ZNF274: variants seen among roughly 807,000 people sequenced by gnomAD.
ZNF274 encodes the protein zinc finger protein 274.
Under a neutral mutation model 42.5 loss-of-function variants are expected in ZNF274, and 23 were observed. The observed-to-expected ratio is 0.54, with a 90% CI of 0.39 to 0.77. The LOEUF (loss-of-function observed/expected upper bound fraction) is 0.77, where lower values mean the gene tolerates loss of function less well. Ranked by LOEUF, ZNF274 falls within the 30% of genes least tolerant of loss-of-function variation. ZNF274 has a pLI of 0.00. For synonymous variants in ZNF274, 292 were observed against 305.4 expected, an observed-to-expected ratio of 0.96 and a Z score of 0.46; for missense variants, 679 against 806.5, an observed-to-expected ratio of 0.84 and a Z score of 1.91.
intron 4 of ZNF274, among the ~76,000 whole-genome samples, chr19:58,193,960 A>G (rs191015146): frequency 2.0e-5 from 3 of 152,106 alleles, no homozygotes; most frequent in South Asian, 2.1e-4. Flanking sequence ...CTATATATCT[A>G]TATCACATAT....
At chr19:58,188,759 T>A in intron 4 of ZNF274, among the ~76,000 whole-genome samples, 1 of 140,808 alleles carries the variant, frequency 7.1e-6, no homozygotes, top group Admixed American at 7.3e-5. Flanking sequence ...CAGGGGCTCA[T>A]GCCTATAATC....
At position 58,186,932 on chromosome 19, in the gene ZNF274, T is replaced by A; in HGVS notation, c.161-15T>A. 1.2e-6 allele frequency: 2 copies of A among 1,611,436 alleles called. No homozygotes were observed. The highest frequency in any genetic ancestry group is 1.7e-6 in the Non-Finnish European group (2 of 1,178,542). ...CACAGACCCCCACAAGCCCTGTCTC[T>A]TTTCCTTTGAGCAGAACATCAGCTT... is the stretch of plus-strand genomic sequence containing the variant. On this transcript the variant is annotated splice_polypyrimidine_tract_variant and intron_variant, in intron 3 of 7. Coordinates refer to ENST00000617501, the MANE Select transcript of ZNF274 (RefSeq NM_133502.3).
intron 4 of ZNF274, among the ~76,000 whole-genome samples, chr19:58,199,557 C>T (rs1490135873): frequency 1.3e-5 from 2 of 152,094 alleles, no homozygotes; most frequent in Non-Finnish European, 2.9e-5. Context: ...TCTGTCTCTA[C>T]TAAAAATACA....
chr19:58,193,548 G>A (rs890166265), intron 4 of ZNF274, among the ~76,000 whole-genome samples: 1 of 141,842 alleles, frequency 7.1e-6, no homozygotes, highest in Non-Finnish European at 1.5e-5. Context: ...TGCCTCCTGG[G>A]TTCAAGTGAT....
intron 4 of ZNF274, among the ~76,000 whole-genome samples, chr19:58,200,989 G>A (rs112834334): frequency 0.019 from 2,904 of 151,530 alleles, 90 homozygotes; most frequent in Admixed American, 0.069. Flanking sequence ...AGAAGGTGCC[G>A]CATACTGTTG....
chr19:58,212,141 C>G lies in ZNF274; in HGVS notation c.980-20C>G, dbSNP rs1397131676. On this transcript the variant is annotated intron_variant, in intron 7 of 7. Coordinates refer to ENST00000617501, the MANE Select transcript of ZNF274 (RefSeq NM_133502.3). This position sits in a 1 kb window ranked among gnomAD's most constrained non-coding sequence, Gnocchi z 4.6. ...GCACATCTCTCTATGGGATCCACATCTTTTGTTTATTTTTTTCAGGGTGGG... is the reference window on the plus strand; with the variant it reads ...GCACATCTCTCTATGGGATCCACATGTTTTGTTTATTTTTTTCAGGGTGGG... The G allele has an allele frequency of 6.3e-7, 1 of 1,583,366 alleles. No individual in the cohort carries two copies. Among genetic ancestry groups the G allele is most frequent in the East Asian group, 2.2e-5 (1 of 44,692 alleles).
chr19:58,204,962 C>T lies in ZNF274; in HGVS notation c.257-1758C>T, dbSNP rs534980423. Among the ~76,000 whole-genome samples, 3 of 152,268 alleles carry T rather than the reference C, an allele frequency of 2.0e-5. No individual in the cohort carries two copies. The South Asian group carries it at 6.2e-4, about 32-fold the overall frequency. On this transcript the variant is annotated intron_variant, in intron 4 of 7. Coordinates refer to ENST00000617501, the MANE Select transcript of ZNF274 (RefSeq NM_133502.3). ...AAGGAAGGGTTCTGAGTGGAGAACC[C>T]TATTGGCTTGGCGGGGAGCAGTAAA...
chr19:58,184,086 C>A (rs2075665852), intron 2 of ZNF274, 88 bp downstream of exon 2: 1 of 1,429,858 alleles, frequency 7.0e-7, no homozygotes, highest in Non-Finnish European at 9.6e-7. Context: ...CCCTGAGATA[C>A]CCCCATCCTC....
chr19:58,200,566 A>G (rs554128949), intron 4 of ZNF274, among the ~76,000 whole-genome samples: 2 of 152,192 alleles, frequency 1.3e-5, no homozygotes, highest in South Asian at 2.1e-4. Flanking sequence ...CTGAATGGGA[A>G]AGGCGAACCA....
At chr19:58,191,270 T>C (rs1038239532) in intron 4 of ZNF274, among the ~76,000 whole-genome samples, 2 of 152,196 alleles carry the variant, frequency 1.3e-5, no homozygotes, top group Non-Finnish European at 2.9e-5. Context: ...CCAGAGTAGC[T>C]GGGACTACAG....
chr19:58,209,762 C>T (rs952213855), intron 5 of ZNF274, 199 bp from the exon 6 acceptor site: 10 of 510,326 alleles, frequency 2.0e-5, no homozygotes, highest in Non-Finnish European at 3.5e-5. Context: ...CCATCCCGGG[C>T]CCATCCAGGT....
chr19:58,212,397 C>T lies in ZNF274; in HGVS notation c.1216C>T (p.Gln406Ter), dbSNP rs1455810979. ...QKKHFDNRES[Q>*]ANSGALDTNQ... ...GAAGCACTTTGACAACCGTGAGTCC[C>T]AGGCAAACAGTGGTGCTCTTGACAC... The change falls in exon 8 of 8, where the codon CAG (glutamine) becomes TAG (stop). Residue 406 changes from glutamine (Q) to a stop codon, truncating the protein, a stop_gained. Transcript: ENST00000617501. LOFTEE classifies it low-confidence loss of function (END_TRUNC). This position sits in a 1 kb window ranked among gnomAD's most constrained non-coding sequence, Gnocchi z 4.6. 1 of 1,612,984 alleles carries T rather than the reference C, an allele frequency of 6.2e-7. No individual in the cohort carries two copies. Among genetic ancestry groups the T allele is most frequent in the African/African-American group, 1.3e-5 (1 of 74,592 alleles).
At chr19:58,209,410 A>T (rs2146248223) in intron 5 of ZNF274, 1 of 152,600 alleles carries the variant, frequency 6.6e-6, no homozygotes, top group East Asian at 1.9e-4. Context: ...GTTAGAATGA[A>T]GGAGCCGTGG....
intron 4 of ZNF274, among the ~76,000 whole-genome samples, 199 bp from the exon 5 acceptor site, chr19:58,206,521 T>C (rs898987550): frequency 1.3e-5 from 2 of 152,264 alleles, no homozygotes; most frequent in African/African-American, 4.8e-5. Context: ...CAGCATTTTA[T>C]GTTCCCACCA....
In ZNF274 at chr19:58,185,756, A is replaced by T. The variant is rs752246616; in HGVS notation, c.78A>T (p.Glu26Asp). 6.8e-7 allele frequency: 1 copy of T among 1,466,262 alleles called. No individual in the cohort carries two copies. The highest frequency in any genetic ancestry group is 1.5e-5 in the South Asian group (1 of 68,480). The allele number at this position is 1,466,262 out of a possible 1,614,324, so 90.8% of individuals were successfully genotyped here. A position where few individuals can be genotyped will look rare whatever the true frequency, so the allele number is the denominator to read the frequency against. Residue 26 changes from glutamate (E) to aspartate (D), a missense_variant, in exon 3 of 8, where the codon GAA becomes GAT. Glu to Asp is a conservative substitution (Grantham distance 45). Around this residue, in one of 2 missense-constraint regions of ZNF274, gnomAD observed 223 missense variants for 216.4 expected, o/e 1.03. Coordinates refer to ENST00000617501, the MANE Select transcript of ZNF274 (RefSeq NM_133502.3). Reference sequence around the variant, plus strand: ...ATGTAACACTGGGTTTTACCCCGGAAGAGTGGGGACTGCTGGACCTCAAAC... The same window carrying T: ...ATGTAACACTGGGTTTTACCCCGGATGAGTGGGGACTGCTGGACCTCAAAC... ...FEDVTLGFTP[E>D]EWGLLDLKQK... is the part of the protein sequence containing the mutation.
At chr19:58,196,379 G>A (rs948039922) in intron 4 of ZNF274, among the ~76,000 whole-genome samples, 1 of 152,182 alleles carries the variant, frequency 6.6e-6, no homozygotes, top group Non-Finnish European at 1.5e-5. Context: ...TGGGCAACAT[G>A]ACGAAACCCT....
Position 58,191,635 on chromosome 19 carries a change from G to A in ZNF274, c.256+4593G>A, listed in dbSNP as rs1413170261. On this transcript the variant is annotated intron_variant, in intron 4 of 7. Coordinates refer to ENST00000617501, the MANE Select transcript of ZNF274 (RefSeq NM_133502.3). Reference sequence around the variant, plus strand: ...TGTGGGTGCCACACATCTTGGGAGAGCTGACTCCACAGGTGACAGATTCAG... The same window carrying A: ...TGTGGGTGCCACACATCTTGGGAGAACTGACTCCACAGGTGACAGATTCAG... Among the ~76,000 whole-genome samples the A allele has an allele frequency of 7.9e-5, 12 of 152,198 alleles. No individual in the cohort carries two copies. In the East Asian group the frequency reaches 2.1e-3, roughly 27 times the overall value.
intron 4 of ZNF274, among the ~76,000 whole-genome samples, chr19:58,187,768 C>G (rs1348347575): frequency 2.0e-5 from 3 of 147,786 alleles, no homozygotes; most frequent in South Asian, 2.2e-4. Context: ...CTCTGTTGCT[C>G]AGGCTGGAGT....
intron 4 of ZNF274, among the ~76,000 whole-genome samples, chr19:58,193,608 A>G (rs951859458): frequency 4.0e-5 from 6 of 151,758 alleles, no homozygotes; most frequent in Admixed American, 3.9e-4. Flanking sequence ...CTGTGCCTGT[A>G]TGTGTCCATC....
Sources: gnomAD v4.1 joint callset for allele counts (sites outside exome capture counted in the v4.1 genomes callset) on GRCh38, gnomAD v4.1.1 for gene constraint, gnomAD v4.1.1 regional missense constraint, Gnocchi (gnomAD v3.1) non-coding constraint, MANE v1.5 for transcripts, NCBI Gene and HGNC (gene_info 2026-07-23, HGNC 2026-07-21) for gene names.